Variants in ST8SIA4 observed in about 807,000 individuals in gnomAD.
The protein encoded by ST8SIA4 is CMP-N-acetylneuraminate-poly-alpha-2,8-sialyltransferase.
A neutral mutation model predicts 33.9 loss-of-function variants in ST8SIA4; 15 were observed. The ratio of observed to expected loss-of-function variants is 0.44; its 90% CI spans 0.30 to 0.68. The LOEUF (loss-of-function observed/expected upper bound fraction) is 0.68. ST8SIA4 is among the 30% of genes least tolerant of loss of function. The pLI, the probability that ST8SIA4 is intolerant of heterozygous loss-of-function variation, is 0.10. For synonymous variants in ST8SIA4, 171 were observed against 151.2 expected (o/e 1.13, Z -0.96); for missense variants, 321 against 428.0 (o/e 0.75, Z 2.21).
At chr5:100,891,420 G>A (rs1752662301) in intron 2 of ST8SIA4, among the ~76,000 whole-genome samples, 1 of 151,948 alleles carries the variant, frequency 6.6e-6, no homozygotes, top group Non-Finnish European at 1.5e-5. Context: ...TGTTTGTTTT[G>A]AAAGATTATT....
chr5:100,825,684 G>A (rs770279391), intron 4 of ST8SIA4, among the ~76,000 whole-genome samples: 2 of 152,120 alleles, frequency 1.3e-5, no homozygotes, highest in East Asian at 1.9e-4. Context: ...TTTTAGGTCT[G>A]GCCACTGGCT....
In ST8SIA4 at chr5:100,810,602, TA is replaced by T. The variant is rs937212192; in HGVS notation, c.*1244del. 3.3e-5 allele frequency: 5 copies of T among 152,526 alleles called. No homozygotes were observed. Among genetic ancestry groups the T allele is most frequent in the Admixed American group, 1.3e-4 (2 of 15,302 alleles). 9.4% of individuals were successfully genotyped at this position (152,526 alleles called of 1,614,324 possible). On this transcript the variant is annotated 3_prime_UTR_variant, in exon 5 of 5. Coordinates refer to ENST00000231461, the MANE Select transcript of ST8SIA4 (RefSeq NM_005668.6). ...GAAAATAAAGTATGAGTTTGAAAAT[TA>T]AAAAATATTTAGAGACAACTTTCAC...
intron 1 of ST8SIA4, among the ~76,000 whole-genome samples, chr5:100,900,945 C>A (rs955499890): frequency 3.3e-5 from 5 of 152,354 alleles, no homozygotes; most frequent in African/African-American, 7.2e-5. Flanking sequence ...CCTGCCCCAA[C>A]GCCTTCTCAG....
intron 4 of ST8SIA4, among the ~76,000 whole-genome samples, chr5:100,824,696 GT>G (rs1402616121): frequency 6.6e-6 from 1 of 152,092 alleles, no homozygotes; most frequent in Non-Finnish European, 1.5e-5. Context: ...ATCCCATTCA[GT>G]TCCTTAATCA....
intron 3 of ST8SIA4, among the ~76,000 whole-genome samples, chr5:100,883,681 A>G (rs1170671035): frequency 6.6e-6 from 1 of 152,136 alleles, no homozygotes; most frequent in Non-Finnish European, 1.5e-5. Context: ...TCATGGGAGC[A>G]GTTTCCCCTA....
chr5:100,890,277 G>A (rs920226225), intron 2 of ST8SIA4, among the ~76,000 whole-genome samples: 18 of 151,784 alleles, frequency 1.2e-4, no homozygotes, highest in African/African-American at 3.9e-4. Flanking sequence ...AATTTGCTAA[G>A]TCTAGTTGTT....
chr5:100,840,913 C>T (rs1157119860), intron 4 of ST8SIA4, among the ~76,000 whole-genome samples: 1 of 151,782 alleles, frequency 6.6e-6, no homozygotes. Flanking sequence ...GTACCCCTTT[C>T]CCTGGCCCCC....
intron 3 of ST8SIA4, among the ~76,000 whole-genome samples, chr5:100,873,096 G>T (rs763560269): frequency 2.7e-4 from 41 of 152,076 alleles, no homozygotes; most frequent in Admixed American, 6.6e-4. Flanking sequence ...CACACTTTGA[G>T]TAGCAAGGAT....
At chr5:100,854,694 G>A (rs926448243) in intron 4 of ST8SIA4, among the ~76,000 whole-genome samples, 7 of 152,144 alleles carry the variant, frequency 4.6e-5, no homozygotes, top group Non-Finnish European at 8.8e-5. Flanking sequence ...ACAGGAAATG[G>A]TAAATCCTTG....
chr5:100,854,567 AGT>A (rs1392833302), intron 4 of ST8SIA4, among the ~76,000 whole-genome samples: 1 of 152,156 alleles, frequency 6.6e-6, no homozygotes, highest in East Asian at 1.9e-4. Flanking sequence ...TGGGCAACAG[AGT>A]GAGACTCTGT....
Position 100,841,544 on chromosome 5 carries a change from G to A in ST8SIA4, c.797+14559C>T, listed in dbSNP as rs530279177. Among the ~76,000 whole-genome samples the A allele has an allele frequency of 1.8e-4, 28 of 151,974 alleles. 1 individual carries two copies. In the South Asian group the frequency reaches 4.1e-3, roughly 23 times the overall value. On this transcript the variant is annotated intron_variant, in intron 4 of 4. Transcript: ENST00000231461. ...TTTAAACACTAGAAAATTCTGTAGC[G>A]CAGTTATTGAGCTCCTATGCTTGGG...
chr5:100,828,595 T>A (rs1318479428), intron 4 of ST8SIA4, among the ~76,000 whole-genome samples: 1 of 152,174 alleles, frequency 6.6e-6, no homozygotes, highest in Non-Finnish European at 1.5e-5. Flanking sequence ...GATTTTGCCC[T>A]GGATTTCCTC....
chr5:100,825,262 GTATT>G (rs1021021509), intron 4 of ST8SIA4, among the ~76,000 whole-genome samples: 6 of 151,964 alleles, frequency 3.9e-5, no homozygotes, highest in Admixed American at 1.3e-4. Flanking sequence ...GATTTCATGT[GTATT>G]TATTTATTTA....
chr5:100,872,807 C>T (rs1443173923), intron 3 of ST8SIA4, among the ~76,000 whole-genome samples: 1 of 150,530 alleles, frequency 6.6e-6, no homozygotes, highest in African/African-American at 2.5e-5. Context: ...AACTGTCTAA[C>T]TGTAATTTTG....
At chr5:100,849,417 T>G in intron 4 of ST8SIA4, 4 of 985,418 alleles carry the variant, frequency 4.1e-6, no homozygotes, top group Non-Finnish European at 4.8e-6. Context: ...TAGTTAGAAT[T>G]GTTCAAATCC....
chr5:100,834,734 G>C (rs752299090), intron 4 of ST8SIA4, among the ~76,000 whole-genome samples: 43 of 152,148 alleles, frequency 2.8e-4, no homozygotes, highest in Non-Finnish European at 6.2e-4. Context: ...GTTTAAAAGT[G>C]TGTACCATCT....
chr5:100,898,782 A>T (rs1752834137), intron 1 of ST8SIA4, among the ~76,000 whole-genome samples: 1 of 152,212 alleles, frequency 6.6e-6, no homozygotes, highest in Non-Finnish European at 1.5e-5. Flanking sequence ...CTCATTCCAG[A>T]TCAGACATGA....
intron 3 of ST8SIA4, among the ~76,000 whole-genome samples, chr5:100,859,149 T>C (rs1751879343): frequency 1.3e-5 from 2 of 152,068 alleles, no homozygotes; most frequent in Non-Finnish European, 2.9e-5. Context: ...AGTAGACTTG[T>C]TGTGAGCATC....
chr5:100,834,310 G>A (rs985192178), intron 4 of ST8SIA4, among the ~76,000 whole-genome samples: 2 of 152,054 alleles, frequency 1.3e-5, no homozygotes, highest in African/African-American at 4.8e-5. Flanking sequence ...TTAGCATTTA[G>A]TAAAACTTTA....
Sources: allele counts gnomAD v4.1 joint callset (sites outside exome capture counted in the v4.1 genomes callset), GRCh38; gene constraint gnomAD v4.1.1; transcripts MANE v1.5; gene names NCBI Gene and HGNC (gene_info 2026-07-23, HGNC 2026-07-21).